Variants in PRKCA observed in about 807,000 individuals in gnomAD.
The protein encoded by PRKCA is protein kinase C alpha type.
A neutral mutation model predicts 87.0 loss-of-function variants in PRKCA; 27 were observed. The ratio of observed to expected loss-of-function variants is 0.31; its 90% CI spans 0.23 to 0.43. PRKCA has a LOEUF of 0.43. Among genes scored for constraint, PRKCA ranks in the 20% least tolerant of loss-of-function variants. The pLI is 1.00. For missense variants in PRKCA, 518 were observed against 852.3 expected, an observed-to-expected ratio of 0.61 and a Z score of 4.88; for synonymous variants, 329 against 311.1, an observed-to-expected ratio of 1.06 and a Z score of -0.61.
intron 3 of PRKCA, among the ~76,000 whole-genome samples, chr17:66,590,235 A>G (rs1034712283): frequency 6.6e-6 from 1 of 151,998 alleles, no homozygotes; most frequent in Non-Finnish European, 1.5e-5. Flanking sequence ...TGGAGACAAT[A>G]CCCCTGGCTC....
intron 3 of PRKCA, among the ~76,000 whole-genome samples, chr17:66,558,696 G>C (rs991526141): frequency 6.6e-6 from 1 of 152,150 alleles, no homozygotes; most frequent in African/African-American, 2.4e-5. Flanking sequence ...AAGGGGGGGA[G>C]GGAGGACAGA....
chr17:66,303,623 A>G (rs1904641043), intron 1 of PRKCA, among the ~76,000 whole-genome samples: 2 of 152,006 alleles, frequency 1.3e-5, no homozygotes, highest in Admixed American at 6.5e-5. Context: ...GAGCAGAGAG[A>G]GAGAGAGCAA....
intron 3 of PRKCA, among the ~76,000 whole-genome samples, chr17:66,590,986 T>C (rs1334067196): frequency 6.6e-6 from 1 of 152,110 alleles, no homozygotes; most frequent in Non-Finnish European, 1.5e-5. Flanking sequence ...CTCTGCTTGC[T>C]TATGGCCTGG....
intron 5 of PRKCA, among the ~76,000 whole-genome samples, chr17:66,647,880 A>G (rs1010814000): frequency 5.3e-5 from 8 of 152,338 alleles, no homozygotes; most frequent in African/African-American, 1.7e-4. Context: ...AAATTTTTGT[A>G]GAGCTATAGC....
chr17:66,403,245 G>A (rs565712204), intron 2 of PRKCA, among the ~76,000 whole-genome samples: 1 of 152,278 alleles, frequency 6.6e-6, no homozygotes, highest in Non-Finnish European at 1.5e-5. Flanking sequence ...TAAAAGCTAA[G>A]AAGCTCCTAT....
intron 2 of PRKCA, among the ~76,000 whole-genome samples, chr17:66,404,598 TG>T (rs1217645843): frequency 3.3e-5 from 5 of 152,134 alleles, no homozygotes; most frequent in Non-Finnish European, 7.3e-5. Context: ...GGAACCTGTT[TG>T]TCTTGTTAGC....
intron 2 of PRKCA, among the ~76,000 whole-genome samples, chr17:66,330,558 T>C (rs1906267414): frequency 6.6e-6 from 1 of 152,180 alleles, no homozygotes; most frequent in Non-Finnish European, 1.5e-5. Flanking sequence ...ATTCATCCTG[T>C]CAGAAGAGAT....
Position 66,452,764 on chromosome 17 carries a change from T to C in PRKCA, c.206-43437T>C, listed in dbSNP as rs146888572. On this transcript the variant is annotated intron_variant, in intron 2 of 16. Transcript: ENST00000413366. ...CTGTAGTCCCAGCTACTCAGGAGGC[T>C]GAGGCAGGAGAATGGCATGAACCTG... 8.6e-3 allele frequency among the ~76,000 whole-genome samples: 1,308 copies of C among 152,272 alleles called. 8 individuals carry two copies. The highest frequency in any genetic ancestry group is 0.022 in the African/African-American group (917 of 41,556).
intron 8 of PRKCA, among the ~76,000 whole-genome samples, chr17:66,705,246 A>G (rs572102294): frequency 6.6e-6 from 1 of 152,364 alleles, no homozygotes; most frequent in South Asian, 2.1e-4. Context: ...TCTTAGAAGC[A>G]AAGTCTTAAA....
chr17:66,566,475 T>G (rs1320674686), intron 3 of PRKCA, among the ~76,000 whole-genome samples: 2 of 125,590 alleles, frequency 1.6e-5, no homozygotes, highest in African/African-American at 6.1e-5. Flanking sequence ...TGTTGTTGTT[T>G]TTTGGTTTTT....
chr17:66,386,624 G>A (rs1226442086), intron 2 of PRKCA, among the ~76,000 whole-genome samples: 1 of 152,194 alleles, frequency 6.6e-6, no homozygotes, highest in East Asian at 1.9e-4. Flanking sequence ...GGCTGCCTGT[G>A]CCTTTGCACA....
intron 13 of PRKCA, among the ~76,000 whole-genome samples, chr17:66,763,772 C>T (rs1974737553): frequency 6.6e-6 from 1 of 152,004 alleles, no homozygotes; most frequent in Admixed American, 6.6e-5. Flanking sequence ...ACATACAGCA[C>T]AAAAATGAAG....
intron 5 of PRKCA, among the ~76,000 whole-genome samples, chr17:66,657,453 C>CA (rs1414233400): frequency 6.6e-6 from 1 of 152,110 alleles, no homozygotes; most frequent in Non-Finnish European, 1.5e-5. Flanking sequence ...GGAATGTAAT[C>CA]AAAAGAGACA....
At chr17:66,645,323 C>G in intron 4 of PRKCA, 60 bp from the exon 5 acceptor site, 1 of 1,609,444 alleles carries the variant, frequency 6.2e-7, no homozygotes, top group Non-Finnish European at 8.5e-7. Flanking sequence ...CACCAAAACA[C>G]TGAGGAGCGG....
intron 2 of PRKCA, among the ~76,000 whole-genome samples, chr17:66,331,102 A>T (rs547823664): frequency 5.4e-4 from 82 of 152,284 alleles, no homozygotes; most frequent in African/African-American, 1.9e-3. Context: ...GGGATGTCAG[A>T]AGGAATAATT....
chr17:66,797,737 G>T (rs141478993), intron 16 of PRKCA, among the ~76,000 whole-genome samples: 2 of 152,150 alleles, frequency 1.3e-5, no homozygotes, highest in East Asian at 1.9e-4. Context: ...TGCCGACATC[G>T]CCTGGTCTCA....
chr17:66,329,401 G>C (rs988735030), intron 2 of PRKCA, among the ~76,000 whole-genome samples: 7 of 152,198 alleles, frequency 4.6e-5, no homozygotes, highest in Admixed American at 4.6e-4. Context: ...AAGGCAGCTG[G>C]ATTTAGGTGC....
At chr17:66,371,098 T>A (rs1909081408) in intron 2 of PRKCA, among the ~76,000 whole-genome samples, 1 of 152,196 alleles carries the variant, frequency 6.6e-6, no homozygotes, top group Non-Finnish European at 1.5e-5. Flanking sequence ...TAAGATATGA[T>A]GTATGTATTT....
Position 66,796,884 on chromosome 17 carries a change from C to T in PRKCA, c.1855-6989C>T, listed in dbSNP as rs1015587523. 10 of 985,374 alleles carry T rather than the reference C, an allele frequency of 1.0e-5. No homozygotes were observed. In the East Asian group the frequency reaches 6.8e-4, roughly 67 times the overall value. 61.0% of individuals were successfully genotyped at this position (985,374 alleles called of 1,614,324 possible). A position where few individuals can be genotyped will look rare whatever the true frequency, so the allele number is the denominator to read the frequency against. ...TGAAGTACCTCCTGCATTTGGTCAT[C>T]GTAAGGGGTAGCTCCCACCTCGTTA... On this transcript the variant is annotated intron_variant, in intron 16 of 16. Coordinates refer to ENST00000413366, the MANE Select transcript of PRKCA (RefSeq NM_002737.3).
Sources: gnomAD v4.1 joint callset for allele counts (sites outside exome capture counted in the v4.1 genomes callset) on GRCh38, gnomAD v4.1.1 for gene constraint, MANE v1.5 for transcripts, NCBI Gene and HGNC (gene_info 2026-07-23, HGNC 2026-07-21) for gene names.